Variants in ATG2B observed in about 807,000 individuals in gnomAD.
The protein encoded by ATG2B is autophagy-related protein 2 homolog B.
A neutral mutation model predicts 241.3 loss-of-function variants in ATG2B; 121 were observed. That is an observed-to-expected ratio of 0.50 (90% CI 0.43 to 0.58). The LOEUF is 0.58. Among genes scored for constraint, ATG2B ranks in the 20% least tolerant of loss-of-function variants. The pLI, the probability that ATG2B is intolerant of heterozygous loss-of-function variation, is 0.00. For synonymous variants in ATG2B, 858 were observed against 876.6 expected (o/e 0.98, Z 0.37); for missense variants, 2,306 against 2,491.6 (o/e 0.93, Z 1.59).
intron 16 of ATG2B, 127 bp downstream of exon 16, chr14:96,323,769 T>C: frequency 2.8e-6 from 2 of 715,176 alleles, no homozygotes; most frequent in Non-Finnish European, 4.8e-6. Flanking sequence ...ATCATCACGC[T>C]TATGAACCAC....
chr14:96,357,575 A>G (rs1430165870), intron 1 of ATG2B, among the ~76,000 whole-genome samples: 1 of 152,218 alleles, frequency 6.6e-6, no homozygotes, highest in Non-Finnish European at 1.5e-5. Flanking sequence ...CAGACAGTGG[A>G]GAAAACCTGC....
At chr14:96,287,626 T>G (rs1886374226) in intron 41 of ATG2B, among the ~76,000 whole-genome samples, 4 of 152,196 alleles carry the variant, frequency 2.6e-5, no homozygotes, top group Admixed American at 2.6e-4. Flanking sequence ...CTCAAGAGCT[T>G]GACAGAGTTT....
chr14:96,300,523 G>T (rs937754111), intron 34 of ATG2B, among the ~76,000 whole-genome samples: 1 of 151,986 alleles, frequency 6.6e-6, no homozygotes, highest in African/African-American at 2.4e-5. Context: ...TGTGGCGGGG[G>T]AAGAAAAAAA....
intron 19 of ATG2B, 76 bp downstream of exon 19, chr14:96,317,622 C>T: frequency 8.2e-7 from 1 of 1,222,178 alleles, no homozygotes; most frequent in East Asian, 2.5e-5. Context: ...ATTTTTAAAT[C>T]CACAATTCAA....
chr14:96,354,543 T>C (rs1888421520), intron 1 of ATG2B, among the ~76,000 whole-genome samples: 1 of 152,210 alleles, frequency 6.6e-6, no homozygotes, highest in Admixed American at 6.5e-5. Context: ...TTGGGTTGAT[T>C]CCGTGTCTTT....
At chr14:96,318,513 T>C (rs1261285572) in intron 18 of ATG2B, among the ~76,000 whole-genome samples, 1 of 152,126 alleles carries the variant, frequency 6.6e-6, no homozygotes, top group East Asian at 1.9e-4. Context: ...TCCCTAGAAA[T>C]ACCTGATTTT....
At position 96,285,876 on chromosome 14, in the gene ATG2B, A is replaced by G. The variant is rs774398116; in HGVS notation, c.6116T>C (p.Val2039Ala). The part of the protein sequence containing the change: ...GEVLRQIPPA[V>A]VKPLIVATEA... ...TGTGGCAACAATCAGAGGTTTCACC[A>G]CTGCCGGAGGAATCTGGCGCAGAAC... Residue 2039 changes from valine to alanine, a missense_variant, in exon 42 of 42, where the codon GTG becomes GCG. Physicochemically the swap from Val to Ala is moderately conservative, Grantham distance 64. Transcript: ENST00000359933. The surrounding 1 kb of genome is among the most constrained non-coding windows in gnomAD (Gnocchi z 4.2). 5 of 1,613,994 alleles carry G rather than the reference A, an allele frequency of 3.1e-6. No homozygotes were observed. Among genetic ancestry groups the G allele is most frequent in the Middle Eastern group, 1.7e-4 (1 of 6,052 alleles).
In ATG2B at chr14:96,304,604, C is replaced by G; in HGVS notation, c.4734-1G>C. On this transcript the variant is annotated splice_acceptor_variant, in intron 31 of 41. Coordinates refer to ENST00000359933, the MANE Select transcript of ATG2B (RefSeq NM_018036.7). LOFTEE classifies it high-confidence loss of function. The stretch of plus-strand genomic sequence containing the variant: ...GTGAGAAGGCGAACTGTGGGGACTA[C>G]TAAAAATGAGCAAAAAAAAAAAAAA... 1 of 1,354,862 alleles carries G rather than the reference C, an allele frequency of 7.4e-7. No individual in the cohort carries two copies. The highest frequency in any genetic ancestry group is 1.0e-6 in the Non-Finnish European group (1 of 994,864). 83.9% of individuals were successfully genotyped at this position (1,354,862 alleles called of 1,614,324 possible). A position where few individuals can be genotyped will look rare whatever the true frequency, so the allele number is the denominator to read the frequency against.
rs1045414952 is a variant in ATG2B, at chr14:96,322,580, G to C, written c.2696C>G (p.Ser899Cys). ...CATTACTCTACGAGAAGAAAAAGGA[G>C]ATGGGGCTGGTCTTCTTAGATCACA... is the stretch of plus-strand genomic sequence containing the variant. ...DVCDLRRPAPSPFSSRRVMFE... is the reference protein window; with the variant it reads ...DVCDLRRPAPCPFSSRRVMFE... The change falls in exon 17 of 42, where the codon TCT becomes TGT. Residue 899 changes from serine (S) to cysteine (C), a missense_variant. This residue lies in a region of ATG2B where 1,927 missense variants were observed against 2,011.2 expected (regional missense o/e 0.96). Coordinates refer to ENST00000359933, the MANE Select transcript of ATG2B (RefSeq NM_018036.7). 1.2e-6 allele frequency: 2 copies of C among 1,612,978 alleles called. No individual in the cohort carries two copies. The highest frequency in any genetic ancestry group is 2.7e-5 in the African/African-American group (2 of 74,866).
intron 35 of ATG2B, 37 bp from the exon 36 acceptor site, chr14:96,295,204 T>A (rs370251506): frequency 1.6e-5 from 25 of 1,515,836 alleles, no homozygotes; most frequent in Non-Finnish European, 2.2e-5. Flanking sequence ...AAATTAGATA[T>A]GCTTCTTCTT....
intron 2 of ATG2B, among the ~76,000 whole-genome samples, chr14:96,346,388 C>A (rs1453498562): frequency 6.6e-6 from 1 of 151,974 alleles, no homozygotes; most frequent in East Asian, 1.9e-4. Context: ...GTTTGCCTTC[C>A]CATAGAAAAA....
At chr14:96,358,164 G>T (rs1475506769) in intron 1 of ATG2B, among the ~76,000 whole-genome samples, 2 of 152,216 alleles carry the variant, frequency 1.3e-5, no homozygotes, top group Non-Finnish European at 2.9e-5. Flanking sequence ...GCCTGGTACG[G>T]TGGCTCATGC....
intron 14 of ATG2B, among the ~76,000 whole-genome samples, chr14:96,327,011 C>T (rs1887603820): frequency 6.6e-6 from 1 of 152,138 alleles, no homozygotes; most frequent in Non-Finnish European, 1.5e-5. Context: ...CCCACAGAAA[C>T]TAAAATAACT....
chr14:96,292,659 T>G (rs917305379), intron 36 of ATG2B, among the ~76,000 whole-genome samples: 4 of 152,232 alleles, frequency 2.6e-5, no homozygotes, highest in Admixed American at 2.6e-4. Flanking sequence ...TGCTCAGTCT[T>G]CAGAAATTGT....
Position 96,285,531 on chromosome 14 carries a change from G to A in ATG2B, c.*224C>T. ...CTAACTTGGCAGCAAATGCTTTAAG[G>A]ACCTTTGACACCAGCCACCAAACAT... On this transcript the variant is annotated 3_prime_UTR_variant, in exon 42 of 42. Coordinates refer to ENST00000359933, the MANE Select transcript of ATG2B (RefSeq NM_018036.7). This position sits in a 1 kb window ranked among gnomAD's most constrained non-coding sequence, Gnocchi z 4.2. 1 of 554,074 alleles carries A rather than the reference G, an allele frequency of 1.8e-6. No individual in the cohort carries two copies. The highest frequency in any genetic ancestry group is 2.2e-5 in the South Asian group (1 of 44,776). 34.3% of individuals were successfully genotyped at this position (554,074 alleles called of 1,614,324 possible). A position where few individuals can be genotyped will look rare whatever the true frequency, so the allele number is the denominator to read the frequency against.
chr14:96,295,862 A>C (rs189671274), intron 34 of ATG2B, among the ~76,000 whole-genome samples: 26 of 152,338 alleles, frequency 1.7e-4, no homozygotes, highest in Non-Finnish European at 3.4e-4. Context: ...GGACTAAATC[A>C]AAGTACATTT....
At position 96,345,924 on chromosome 14, in the gene ATG2B, T is replaced by C. The variant is rs574548816; in HGVS notation, c.326-539A>G. Among the ~76,000 whole-genome samples, 69 of 152,282 alleles carry C rather than the reference T, an allele frequency of 4.5e-4. 2 individuals carry two copies. The highest frequency in any genetic ancestry group is 4.4e-3 in the Admixed American group (68 of 15,296). On this transcript the variant is annotated intron_variant, in intron 2 of 41. Transcript: ENST00000359933. ...CAGGACCAATTTGGCCTGCAGGTTATAGTTTACTAACCCTGCTGTTGAAAG... is the reference window on the plus strand; with the variant it reads ...CAGGACCAATTTGGCCTGCAGGTTACAGTTTACTAACCCTGCTGTTGAAAG...
intron 1 of ATG2B, among the ~76,000 whole-genome samples, chr14:96,357,068 G>A (rs1294468921): frequency 6.6e-6 from 1 of 152,102 alleles, no homozygotes; most frequent in Non-Finnish European, 1.5e-5. Flanking sequence ...AACTACAAGC[G>A]ACCTTCTAAC....
chr14:96,290,510 C>T lies in ATG2B; in HGVS notation c.5782G>A (p.Gly1928Ser), dbSNP rs1295019361. Residue 1928 changes from glycine to serine, a missense_variant, in exon 40 of 42, where the codon GGC (glycine) becomes AGC (serine). Physicochemically the swap from Gly to Ser is moderately conservative, Grantham distance 56. Around this residue, in one of 2 missense-constraint regions of ATG2B, gnomAD observed 379 missense variants for 480.4 expected, o/e 0.79. Transcript: ENST00000359933. This position sits in a 1 kb window ranked among gnomAD's most constrained non-coding sequence, Gnocchi z 4.4. ...DGRIVRGFQR[G>S]AASFGTSTAM... is the part of the protein sequence containing the mutation. ...GTCGAGGTACCAAAGGAAGCAGCGC[C>T]TCTCTGAAACCCTCTGACAATGCGG... 2 of 1,614,218 alleles carry T rather than the reference C, an allele frequency of 1.2e-6. No homozygotes were observed. The highest frequency in any genetic ancestry group is 1.7e-6 in the Non-Finnish European group (2 of 1,180,034).
Sources: allele counts gnomAD v4.1 joint callset (sites outside exome capture counted in the v4.1 genomes callset), GRCh38; gene constraint gnomAD v4.1.1; regional missense constraint gnomAD v4.1.1; non-coding constraint Gnocchi (gnomAD v3.1); transcripts MANE v1.5; gene names NCBI Gene and HGNC (gene_info 2026-07-23, HGNC 2026-07-21).